GLCCI1: variants seen among roughly 807,000 people sequenced by gnomAD.
GLCCI1 encodes the protein glucocorticoid induced 1, also known as glucocorticoid-induced transcript 1 protein.
Under a neutral mutation model 52.2 loss-of-function variants are expected in GLCCI1, and 24 were observed. The ratio of observed to expected loss-of-function variants is 0.46; its 90% CI spans 0.33 to 0.65. The LOEUF is 0.65. GLCCI1 is among the 30% of genes least tolerant of loss of function. GLCCI1 has a pLI of 0.02. For missense variants in GLCCI1, 704 were observed against 701.5 expected, an observed-to-expected ratio of 1.00 and a Z score of -0.04; for synonymous variants, 310 against 276.5, an observed-to-expected ratio of 1.12 and a Z score of -1.20.
At chr7:7,971,103 G>C (rs1780345129) in intron 1 of GLCCI1, among the ~76,000 whole-genome samples, 1 of 152,184 alleles carries the variant, frequency 6.6e-6, no homozygotes, top group African/African-American at 2.4e-5. Context: ...AACCAGTGTA[G>C]GATGTAGTGC....
At chr7:8,061,337 T>C (rs965626926) in intron 5 of GLCCI1, among the ~76,000 whole-genome samples, 1 of 152,162 alleles carries the variant, frequency 6.6e-6, no homozygotes, top group Non-Finnish European at 1.5e-5. Context: ...CCTGACCTCG[T>C]GATCCGTCCA....
intron 3 of GLCCI1, among the ~76,000 whole-genome samples, chr7:8,044,521 C>T (rs1419010770): frequency 6.6e-6 from 1 of 152,084 alleles, no homozygotes; most frequent in East Asian, 1.9e-4. Context: ...TAGGCATATG[C>T]CACCACACCT....
intron 2 of GLCCI1, among the ~76,000 whole-genome samples, chr7:8,014,036 C>A (rs1781326929): frequency 6.8e-6 from 1 of 147,298 alleles, no homozygotes; most frequent in South Asian, 2.1e-4. Context: ...GTCGCCCAGG[C>A]TGGAGTGCAA....
At chr7:8,055,760 C>A (rs1335487079) in intron 4 of GLCCI1, 1 of 347,102 alleles carries the variant, frequency 2.9e-6, no homozygotes, top group South Asian at 2.9e-5. Context: ...GAGGCCGAGG[C>A]GGGCGGATCA....
intron 5 of GLCCI1, among the ~76,000 whole-genome samples, chr7:8,066,921 G>C (rs1260053136): frequency 6.6e-6 from 1 of 152,064 alleles, no homozygotes; most frequent in Non-Finnish European, 1.5e-5. Context: ...GTTGAGTTCA[G>C]GTCCTGAACA....
chr7:8,045,052 T>C (rs1026207060), intron 3 of GLCCI1, among the ~76,000 whole-genome samples: 1 of 152,222 alleles, frequency 6.6e-6, no homozygotes, highest in African/African-American at 2.4e-5. Context: ...GGCATATTTC[T>C]GGTTATAAAA....
intron 3 of GLCCI1, among the ~76,000 whole-genome samples, chr7:8,035,443 C>T (rs1179075106): frequency 2.0e-5 from 3 of 152,260 alleles, no homozygotes; most frequent in East Asian, 3.9e-4. Context: ...TTGGTACAGG[C>T]GTATCACAAG....
At chr7:8,030,753 A>C (rs182632540) in intron 3 of GLCCI1, among the ~76,000 whole-genome samples, 65 of 152,280 alleles carry the variant, frequency 4.3e-4, no homozygotes, top group Non-Finnish European at 7.9e-4. Context: ...TCAAAAGAAG[A>C]CATAGACGTG....
chr7:8,068,207 G>A (rs781744242), intron 5 of GLCCI1, among the ~76,000 whole-genome samples: 2 of 152,120 alleles, frequency 1.3e-5, no homozygotes, highest in Non-Finnish European at 1.5e-5. Flanking sequence ...AACATTAGCC[G>A]GTCATCGTGG....
At chr7:7,979,163 A>G (rs947900915) in intron 1 of GLCCI1, among the ~76,000 whole-genome samples, 1 of 152,150 alleles carries the variant, frequency 6.6e-6, no homozygotes, top group Non-Finnish European at 1.5e-5. Context: ...GTGCTCAGAG[A>G]TTAGATTTTT....
rs577003843 is a variant in GLCCI1 at position 8,031,849 on chromosome 7, A to G, written c.696+9280A>G. 3.9e-5 allele frequency among the ~76,000 whole-genome samples: 6 copies of G among 152,222 alleles called. No homozygotes were observed. In the East Asian group the frequency reaches 1.2e-3, roughly 29 times the overall value. The stretch of plus-strand genomic sequence containing the variant: ...ATACAATAAAGATAACTGAAGAGAA[A>G]TAGGAAAGTTTCATAATAATAAAAA... On this transcript the variant is annotated intron_variant, in intron 3 of 7. Coordinates refer to ENST00000223145, the MANE Select transcript of GLCCI1 (RefSeq NM_138426.4).
chr7:8,050,202 C>T (rs1377904178), intron 3 of GLCCI1, among the ~76,000 whole-genome samples: 5 of 151,926 alleles, frequency 3.3e-5, no homozygotes, highest in African/African-American at 1.2e-4. Flanking sequence ...TACAGATGAC[C>T]CTCCCTGTGT....
intron 1 of GLCCI1, among the ~76,000 whole-genome samples, chr7:7,985,202 A>T (rs1188271695): frequency 6.6e-6 from 1 of 152,108 alleles, no homozygotes; most frequent in Non-Finnish European, 1.5e-5. Flanking sequence ...GTATATACTT[A>T]AGGACCCAGG....
intron 2 of GLCCI1, among the ~76,000 whole-genome samples, chr7:8,021,546 G>A (rs1290981581): frequency 6.6e-6 from 1 of 152,128 alleles, no homozygotes; most frequent in Non-Finnish European, 1.5e-5. Context: ...CTGAGTAGCT[G>A]AGATTACAGG....
intron 2 of GLCCI1, among the ~76,000 whole-genome samples, chr7:8,011,379 T>A (rs1781259146): frequency 6.6e-6 from 1 of 152,232 alleles, no homozygotes; most frequent in Admixed American, 6.5e-5. Context: ...AGGAACCTCA[T>A]ATAAGAAAAT....
intron 3 of GLCCI1, among the ~76,000 whole-genome samples, chr7:8,047,599 A>T (rs1782161135): frequency 6.6e-6 from 1 of 152,218 alleles, no homozygotes; most frequent in East Asian, 1.9e-4. Flanking sequence ...ATGTGCATTA[A>T]CATCAAATGA....
intron 1 of GLCCI1, among the ~76,000 whole-genome samples, chr7:7,971,858 G>C (rs2115398910): frequency 6.6e-6 from 1 of 152,324 alleles, no homozygotes; most frequent in East Asian, 1.9e-4. Context: ...GTGTCAGAGA[G>C]CTTGTGTTGG....
intron 4 of GLCCI1, among the ~76,000 whole-genome samples, chr7:8,058,525 A>G (rs1782449936): frequency 6.6e-6 from 1 of 152,200 alleles, no homozygotes; most frequent in African/African-American, 2.4e-5. Context: ...CTGCCTAGGG[A>G]TTATCAGATA....
Position 8,086,316 on chromosome 7 carries a change from C to G in GLCCI1, c.1422C>G (p.Asp474Glu), listed in dbSNP as rs201220133. ...KLLGPLLPAS[D>E]LMLKNSPNSG... ...TAGGCCCCCTCTTACCTGCTTCTGA[C>G]CTTATGCTCAAGAACTCCCCTAACT... The change falls in exon 8 of 8, where the codon GAC (aspartate) becomes GAG (glutamate). Residue 474 changes from aspartate to glutamate, a missense_variant. Asp to Glu is a conservative substitution (Grantham distance 45, BLOSUM62 2). This residue lies in a region of GLCCI1 where 149 missense variants were observed against 152.9 expected (regional missense o/e 0.97). Coordinates refer to ENST00000223145, the MANE Select transcript of GLCCI1 (RefSeq NM_138426.4). This position sits in a 1 kb window ranked among gnomAD's most constrained non-coding sequence, Gnocchi z 4.4. 1.4e-5 allele frequency: 22 copies of G among 1,614,080 alleles called. No homozygotes were observed. The highest frequency in any genetic ancestry group is 1.8e-5 in the Non-Finnish European group (21 of 1,179,956).
Sources: allele counts gnomAD v4.1 joint callset (sites outside exome capture counted in the v4.1 genomes callset), GRCh38; gene constraint gnomAD v4.1.1; regional missense constraint gnomAD v4.1.1; non-coding constraint Gnocchi (gnomAD v3.1); transcripts MANE v1.5; gene names NCBI Gene and HGNC (gene_info 2026-07-23, HGNC 2026-07-21).